The following PVT1 variants were observed in gnomAD, a reference collection of about 807,000 sequenced individuals.
PVT1 encodes the protein CXCR4/PVT1 fusion.
At chr8:127,921,020 T>C (rs1465787557) in intron 3 of PVT1, among the ~76,000 whole-genome samples, 1 of 152,226 alleles carries the variant, frequency 6.6e-6, no homozygotes, top group Non-Finnish European at 1.5e-5. Flanking sequence ...TAAGTGTTGG[T>C]CCTTAATGAT....
intron 4 of PVT1, among the ~76,000 whole-genome samples, chr8:128,021,290 C>CTTTTTT (rs11438511): frequency 0.014 from 1,150 of 81,108 alleles, 110 homozygotes; most frequent in African/African-American, 0.051. Context: ...AGGACTTGTG[C>CTTTTTT]TTTTTTTTTT....
rs776994911 is a variant in PVT1 at position 128,093,387 on chromosome 8, G to A, written n.1115-3131G>A. Among the ~76,000 whole-genome samples, 5 of 151,960 alleles carry A rather than the reference G, an allele frequency of 3.3e-5. No homozygotes were observed. In the South Asian group the frequency reaches 1.0e-3, roughly 32 times the overall value. On this transcript the variant is annotated intron_variant and non_coding_transcript_variant, in intron 5 of 10. Coordinates refer to ENST00000651587, the Ensembl canonical transcript of PVT1. ...AGCCTGGCAAACATGGTGAAACCCC[G>A]TCAATACTAAAAATAAAAAATTAGC...
At chr8:127,905,711 C>G (rs372388796) in intron 3 of PVT1, among the ~76,000 whole-genome samples, 1 of 152,300 alleles carries the variant, frequency 6.6e-6, no homozygotes, top group Admixed American at 6.5e-5. Context: ...TGTAGCAACA[C>G]TGTGAGGTTG....
rs117442889 is a variant in PVT1 at position 127,913,798 on chromosome 8, C to T, written n.782+22800C>T. On this transcript the variant is annotated intron_variant and non_coding_transcript_variant, in intron 3 of 10. Transcript: ENST00000651587. ...TTTCCCTCCCTTAATCTCTTCTAAC[C>T]TTCCTCGAAAGTGCCGTTTCCCACC... Among the ~76,000 whole-genome samples, 733 of 152,264 alleles carry T rather than the reference C, an allele frequency of 4.8e-3. 3 individuals carry two copies. Among genetic ancestry groups the T allele is most frequent in the Non-Finnish European group, 7.8e-3 (528 of 68,020 alleles).
chr8:127,972,023 C>G (rs545659913), intron 3 of PVT1, among the ~76,000 whole-genome samples: 1 of 152,354 alleles, frequency 6.6e-6, no homozygotes, highest in East Asian at 1.9e-4. Context: ...GTCCTGGTCT[C>G]TTCACTGGGG....
At chr8:127,874,937 G>GTGTGTGTGTGT (rs1563627450) in intron 2 of PVT1, among the ~76,000 whole-genome samples, 2 of 145,854 alleles carry the variant, frequency 1.4e-5, no homozygotes, top group African/African-American at 5.3e-5. Flanking sequence ...TGTGTGTGTG[G>GTGTGTGTGTGT]GTGTGTGGCC....
At chr8:128,010,697 A>C (rs1220158385) in intron 4 of PVT1, 1 of 152,264 alleles carries the variant, frequency 6.6e-6, no homozygotes. Flanking sequence ...GGTCTTGGCT[A>C]TTATTTGTTG....
chr8:128,022,162 G>C (rs1407864019), intron 4 of PVT1, among the ~76,000 whole-genome samples: 1 of 152,196 alleles, frequency 6.6e-6, no homozygotes, highest in Non-Finnish European at 1.5e-5. Flanking sequence ...CAACCCAGCA[G>C]AGCTGCAGGC....
At chr8:128,000,014 G>C (rs1013657082) in intron 4 of PVT1, among the ~76,000 whole-genome samples, 1 of 152,194 alleles carries the variant, frequency 6.6e-6, no homozygotes, top group African/African-American at 2.4e-5. Flanking sequence ...ACAGGCCTTT[G>C]AATGTGTCTC....
rs138039280 is a variant in PVT1 at position 128,002,949 on chromosome 8, GCCTC to G, written n.912+13675_912+13678del. 1.2e-4 allele frequency among the ~76,000 whole-genome samples: 12 copies of G among 97,170 alleles called. No homozygotes were observed. In the Middle Eastern group the frequency reaches 0.016, roughly 133 times the overall value. The allele number at this position is 97,170 out of a possible 152,430, so 63.7% of individuals were successfully genotyped here. ...TCCCTCCCTGTCTCCCTCCCTCTCT[GCCTC>G]CCTCCCTCCCTCCCTCTTCCTTCCT... is the stretch of plus-strand genomic sequence containing the variant. On this transcript the variant is annotated intron_variant and non_coding_transcript_variant, in intron 4 of 10. Coordinates refer to ENST00000651587, the Ensembl canonical transcript of PVT1.
At chr8:127,838,823 T>C (rs1223552709) in intron 2 of PVT1, among the ~76,000 whole-genome samples, 1 of 152,246 alleles carries the variant, frequency 6.6e-6, no homozygotes, top group East Asian at 1.9e-4. Context: ...CCCTATGTTC[T>C]AAGTACAGTC....
chr8:128,018,618 CAG>C (rs988119835), intron 4 of PVT1, among the ~76,000 whole-genome samples: 1 of 152,146 alleles, frequency 6.6e-6, no homozygotes, highest in Admixed American at 6.5e-5. Flanking sequence ...CAGGGTCAAA[CAG>C]GGGGTGTATT....
At chr8:128,010,180 G>A (rs1163923382) in intron 4 of PVT1, 3 of 152,120 alleles carry the variant, frequency 2.0e-5, no homozygotes, top group Admixed American at 6.6e-5. Context: ...AGGCAACCCA[G>A]TTTTACTGAA....
At chr8:127,844,825 T>C (rs1255309474) in intron 2 of PVT1, among the ~76,000 whole-genome samples, 1 of 152,164 alleles carries the variant, frequency 6.6e-6, no homozygotes, top group African/African-American at 2.4e-5. Flanking sequence ...GCCATTCTCC[T>C]GCCTCAGCCT....
intron 2 of PVT1, among the ~76,000 whole-genome samples, chr8:127,832,486 A>T (rs1292516570): frequency 6.6e-6 from 1 of 152,232 alleles, no homozygotes; most frequent in Admixed American, 6.5e-5. Context: ...TGGTTTTGTG[A>T]CTGATTTAGC....
At chr8:127,815,624 G>A (rs757559397) in intron 2 of PVT1, among the ~76,000 whole-genome samples, 187 of 152,282 alleles carry the variant, frequency 1.2e-3, no homozygotes, top group African/African-American at 4.4e-3. Context: ...GGGCATGGCA[G>A]AAATTCATCA....
At chr8:127,893,436 C>T (rs565767435) in intron 3 of PVT1, among the ~76,000 whole-genome samples, 1 of 152,150 alleles carries the variant, frequency 6.6e-6, no homozygotes, top group Non-Finnish European at 1.5e-5. Context: ...GCCACCATGC[C>T]TGGCTAATTT....
chr8:128,085,952 A>G (rs1814250455), intron 5 of PVT1, among the ~76,000 whole-genome samples: 1 of 152,226 alleles, frequency 6.6e-6, no homozygotes, highest in Admixed American at 6.5e-5. Context: ...ATACGATAAA[A>G]CACAAAGATT....
At chr8:128,099,180 G>A (rs1457110934) in intron 6 of PVT1, among the ~76,000 whole-genome samples, 2 of 152,204 alleles carry the variant, frequency 1.3e-5, no homozygotes, top group African/African-American at 4.8e-5. Flanking sequence ...TGCATATGGC[G>A]ACATGCGGGT....
Sources: gnomAD v4.1 joint callset for allele counts (sites outside exome capture counted in the v4.1 genomes callset) on GRCh38, gnomAD v4.1.1 for gene constraint, MANE v1.5 for transcripts, NCBI Gene and HGNC (gene_info 2026-07-23, HGNC 2026-07-21) for gene names.